PAX2: variants seen among roughly 807,000 people sequenced by gnomAD.
PAX2 encodes paired box protein Pax-2.
Under a neutral mutation model 41.7 loss-of-function variants are expected in PAX2, and 9 were observed. That is an observed-to-expected ratio of 0.22 (90% CI 0.13 to 0.38). The LOEUF is 0.38. Among genes scored for constraint, PAX2 ranks in the 10% least tolerant of loss-of-function variants. The pLI is 1.00. For missense variants in PAX2, 418 were observed against 531.6 expected (o/e 0.79, Z 2.10); for synonymous variants, 221 against 212.7 (o/e 1.04, Z -0.34).
chr10:100,745,899 G>A lies in PAX2; in HGVS notation c.-362G>A. 8.5e-7 allele frequency: 1 copy of A among 1,174,710 alleles called. No homozygotes were observed. The highest frequency in any genetic ancestry group is 1.1e-6 in the Non-Finnish European group (1 of 950,658). 72.8% of individuals were successfully genotyped at this position (1,174,710 alleles called of 1,614,324 possible). A position where few individuals can be genotyped will look rare whatever the true frequency, so the allele number is the denominator to read the frequency against. ...CCTCTCGGATGACCAGGTTCCAGGGGAGCTGAGCGAGTCGCCTCCCCCGCC... is the reference window on the plus strand; with the variant it reads ...CCTCTCGGATGACCAGGTTCCAGGGAAGCTGAGCGAGTCGCCTCCCCCGCC... On this transcript the variant is annotated 5_prime_UTR_variant, in exon 1 of 10. Transcript: ENST00000355243.
At chr10:100,781,844 G>A (rs1846642439) in intron 5 of PAX2, among the ~76,000 whole-genome samples, 1 of 152,136 alleles carries the variant, frequency 6.6e-6, no homozygotes, top group Non-Finnish European at 1.5e-5. Context: ...AGCTGGACAT[G>A]GGACCCCTCT....
intron 1 of PAX2, chr10:100,747,529 G>A: frequency 1.4e-6 from 1 of 693,090 alleles, no homozygotes; most frequent in Non-Finnish European, 1.8e-6. Flanking sequence ...CTCCCTATCT[G>A]CAGATTAATA....
rs545743652 is a variant in PAX2 at position 100,826,893 on chromosome 10, G to C, written c.1022-116G>C. The C allele has an allele frequency of 9.2e-4, 686 of 748,936 alleles. 4 individuals are homozygous for C. In the African/African-American group the frequency reaches 0.01, roughly 11 times the overall value. The allele number at this position is 748,936 out of a possible 1,614,324, so 46.4% of individuals were successfully genotyped here. On this transcript the variant is annotated intron_variant, in intron 8 of 9. Transcript: ENST00000355243. The surrounding 1 kb of genome is among the most constrained non-coding windows in gnomAD (Gnocchi z 5.5). ...GCCCGCCACGGCCATTACCCTGCCC[G>C]CGACACCTGCGCCTGAGACCCGGCG...
At position 100,827,160 on chromosome 10, in the gene PAX2, C is replaced by A; in HGVS notation, c.1108+65C>A. The A allele has an allele frequency of 7.5e-7, 1 of 1,331,212 alleles. No individual in the cohort carries two copies. Among genetic ancestry groups the A allele is most frequent in the Non-Finnish European group, 1.1e-6 (1 of 928,504 alleles). 82.5% of individuals were successfully genotyped at this position (1,331,212 alleles called of 1,614,324 possible). On this transcript the variant is annotated intron_variant, in intron 9 of 9. Transcript: ENST00000355243. This position sits in a 1 kb window ranked among gnomAD's most constrained non-coding sequence, Gnocchi z 8.5. ...CGCGCGGCTTCTGGGCACGGTCCCACTCCCGGCGACCCGACCTCTGGGGAC... is the reference window on the plus strand; with the variant it reads ...CGCGCGGCTTCTGGGCACGGTCCCAATCCCGGCGACCCGACCTCTGGGGAC...
intron 3 of PAX2, among the ~76,000 whole-genome samples, chr10:100,764,180 G>A (rs1370574802): frequency 8.3e-6 from 1 of 120,082 alleles, no homozygotes; most frequent in African/African-American, 3.3e-5. Flanking sequence ...GTCTCGCTCT[G>A]TCGCCCAGGC....
At chr10:100,744,561 C>A (rs895142308), upstream of PAX2, among the ~76,000 whole-genome samples, 1 of 152,226 alleles carries the variant, frequency 6.6e-6, no homozygotes, top group African/African-American at 2.4e-5. Context: ...CTCCTGCGCT[C>A]GCCCCGGATC....
chr10:100,827,005 G>T lies in PAX2; in HGVS notation c.1022-4G>T, dbSNP rs766520044. ...CTGATCCCCACTCCCCGACCCTCCC[G>T]CAGGGAGCGAGTTCTCCGGCAACCC... On this transcript the variant is annotated splice_polypyrimidine_tract_variant and splice_region_variant and intron_variant, in intron 8 of 9. Transcript: ENST00000355243. The surrounding 1 kb of genome is among the most constrained non-coding windows in gnomAD (Gnocchi z 8.5). 6.8e-6 allele frequency: 11 copies of T among 1,610,524 alleles called. No homozygotes were observed. The highest frequency in any genetic ancestry group is 7.6e-6 in the Non-Finnish European group (9 of 1,176,862).
chr10:100,793,144 C>T (rs1270328337), intron 5 of PAX2, among the ~76,000 whole-genome samples: 1 of 152,216 alleles, frequency 6.6e-6, no homozygotes, highest in Non-Finnish European at 1.5e-5. Context: ...CAAACGGGGA[C>T]AGCACCAGGC....
In PAX2 at chr10:100,750,730, C is replaced by T. The variant is rs745467413; in HGVS notation, c.249C>T (p.Ile83=). The T allele has an allele frequency of 1.1e-5, 18 of 1,614,098 alleles. No individual in the cohort carries two copies. The highest frequency in any genetic ancestry group is 3.3e-5 in the Admixed American group (2 of 60,016). Residue 83 remains isoleucine, a synonymous_variant, in exon 3 of 10, where the codon ATC becomes ATT. Coordinates refer to ENST00000355243, the MANE Select transcript of PAX2 (RefSeq NM_000278.5). This position sits in a 1 kb window ranked among gnomAD's most constrained non-coding sequence, Gnocchi z 4.1. ...YETGSIKPGV[I]GGSKPKVATP... is the part of the protein sequence containing the mutation. ...CCGGCAGCATCAAGCCGGGTGTGAT[C>T]GGTGGCTCCAAGCCCAAAGTGGCGA...
At chr10:100,749,070 G>T (rs1296928441) in intron 1 of PAX2, 2 of 985,378 alleles carry the variant, frequency 2.0e-6, no homozygotes, top group Non-Finnish European at 2.4e-6. Flanking sequence ...AGATACTAAG[G>T]AGGTGAAAGA....
rs1167875819 is a variant in PAX2, at chr10:100,829,221, CT to C, written c.*1603del. On this transcript the variant is annotated 3_prime_UTR_variant, in exon 10 of 10. Coordinates refer to ENST00000355243, the MANE Select transcript of PAX2 (RefSeq NM_000278.5). Reference sequence around the variant, plus strand: ...TGTTTTCGCTTTTTCCTCCCTGCCCCTCTCTCCCTCTGCCCCTCTCTCCTCT... The same window carrying C: ...TGTTTTCGCTTTTTCCTCCCTGCCCCCTCTCCCTCTGCCCCTCTCTCCTCT... 2 of 232,398 alleles carry C rather than the reference CT, an allele frequency of 8.6e-6. No individual in the cohort carries two copies. The highest frequency in any genetic ancestry group is 4.4e-5 in the African/African-American group (2 of 45,132). The allele number at this position is 232,398 out of a possible 1,614,324, so 14.4% of individuals were successfully genotyped here. A position where few individuals can be genotyped will look rare whatever the true frequency, so the allele number is the denominator to read the frequency against.
intron 5 of PAX2, among the ~76,000 whole-genome samples, chr10:100,803,791 A>G (rs187279373): frequency 5.3e-5 from 8 of 151,780 alleles, no homozygotes; most frequent in African/African-American, 1.9e-4. Flanking sequence ...CACCTCTTCC[A>G]GTAGCAGGCT....
In PAX2 at chr10:100,791,843, AC is replaced by A. The variant is rs1283053958; in HGVS notation, c.616+10480del. Among the ~76,000 whole-genome samples, 1 of 152,084 alleles carries A rather than the reference AC, an allele frequency of 6.6e-6. No individual in the cohort carries two copies. Among genetic ancestry groups the A allele is most frequent in the Non-Finnish European group, 1.5e-5 (1 of 68,014 alleles). On this transcript the variant is annotated intron_variant, in intron 5 of 9. Transcript: ENST00000355243. The surrounding 1 kb of genome is among the most constrained non-coding windows in gnomAD (Gnocchi z 4.5). ...GCATGAGCCCTTGGGCAGTGTGGGCACCTGGGTGGACTGGTGGTGTGGGGAG... is the reference window on the plus strand; with the variant it reads ...GCATGAGCCCTTGGGCAGTGTGGGCACTGGGTGGACTGGTGGTGTGGGGAG...
At chr10:100,815,758 G>A (rs1848165529) in intron 7 of PAX2, among the ~76,000 whole-genome samples, 1 of 152,202 alleles carries the variant, frequency 6.6e-6, no homozygotes. Context: ...ATCAGAGTCA[G>A]GCCATATTTG....
At position 100,809,098 on chromosome 10, in the gene PAX2, C is replaced by T. The variant is rs781099849; in HGVS notation, c.793-12C>T. ...ATCAATAGAGAGCTGTCACTTTTCT[C>T]TCTCCTCCCAGGGGAACGAGTACTC... On this transcript the variant is annotated splice_polypyrimidine_tract_variant and intron_variant, in intron 6 of 9. Transcript: ENST00000355243. 6.2e-7 allele frequency: 1 copy of T among 1,612,972 alleles called. No homozygotes were observed. Among genetic ancestry groups the T allele is most frequent in the African/African-American group, 1.3e-5 (1 of 74,930 alleles).
At chr10:100,798,560 G>A (rs563619655) in intron 5 of PAX2, among the ~76,000 whole-genome samples, 2 of 151,992 alleles carry the variant, frequency 1.3e-5, no homozygotes, top group Non-Finnish European at 2.9e-5. Context: ...TTCCCAGCCC[G>A]GCCCTCTGGA....
chr10:100,788,334 G>T (rs1046144640), intron 5 of PAX2, among the ~76,000 whole-genome samples: 2 of 152,184 alleles, frequency 1.3e-5, no homozygotes, highest in South Asian at 2.1e-4. Flanking sequence ...TAAACCAGGC[G>T]TGCCCTGGTC....
chr10:100,738,380 G>A (rs1844842396), intron 1 of PAX2, among the ~76,000 whole-genome samples: 1 of 152,212 alleles, frequency 6.6e-6, no homozygotes, highest in African/African-American at 2.4e-5. Context: ...TTAGGGCAAA[G>A]GGAGAGAGGG....
Position 100,824,389 on chromosome 10 carries a change from CACACACAA to C in PAX2, c.920-257_920-250del, listed in dbSNP as rs1197397502. ...ACACACACACACACACACACACACA[CACACACAA>C]ATACACAGAGACACAAAGAGCTACA... is the stretch of plus-strand genomic sequence containing the variant. On this transcript the variant is annotated intron_variant, in intron 7 of 9. Transcript: ENST00000355243. This position sits in a 1 kb window ranked among gnomAD's most constrained non-coding sequence, Gnocchi z 6.6. Among the ~76,000 whole-genome samples the C allele has an allele frequency of 3.3e-5, 5 of 151,156 alleles. No homozygotes were observed. The highest frequency in any genetic ancestry group is 3.9e-4 in the East Asian group (2 of 5,160).
Sources: gnomAD v4.1 joint callset for allele counts (sites outside exome capture counted in the v4.1 genomes callset) on GRCh38, gnomAD v4.1.1 for gene constraint, Gnocchi (gnomAD v3.1) non-coding constraint, MANE v1.5 for transcripts, NCBI Gene and HGNC (gene_info 2026-07-23, HGNC 2026-07-21) for gene names.